The following GALNT17 variants were observed in gnomAD, a reference collection of about 807,000 sequenced individuals.
The protein encoded by GALNT17 is UDP-GalNAc:polypeptide N-acetylgalactosaminyltransferase-like 3.
In GALNT17, 29 loss-of-function variants were observed where a neutral mutation model predicts 63.7. That is an observed-to-expected ratio of 0.46 (90% confidence interval 0.34 to 0.62). The LOEUF is 0.62. Ranked by LOEUF, GALNT17 falls within the 20% of genes least tolerant of loss-of-function variation. The probability of loss-of-function intolerance (pLI) is 0.01; values close to 1 mark genes in which losing one functional copy is unlikely to be tolerated. For synonymous variants in GALNT17, 305 were observed against 318.3 expected (o/e 0.96, Z 0.45); for missense variants, 603 against 799.6 (o/e 0.75, Z 2.97).
intron 6 of GALNT17, among the ~76,000 whole-genome samples, chr7:71,573,702 T>C (rs1345942152): frequency 6.6e-6 from 1 of 152,172 alleles, no homozygotes; most frequent in African/African-American, 2.4e-5. Flanking sequence ...AGGTTTGTTA[T>C]ATAGGTGAAT....
chr7:71,641,926 A>G (rs1016229234), intron 6 of GALNT17, among the ~76,000 whole-genome samples: 15 of 152,056 alleles, frequency 9.9e-5, no homozygotes, highest in Non-Finnish European at 1.9e-4. Flanking sequence ...CTAATGAGGG[A>G]ACTGTGGTTA....
At chr7:71,449,108 CTTTTTTTTT>C (rs59368494) in intron 5 of GALNT17, among the ~76,000 whole-genome samples, 2 of 72,754 alleles carry the variant, frequency 2.7e-5, no homozygotes, top group African/African-American at 5.7e-5. Flanking sequence ...TGCCTATTTT[CTTTTTTTTT>C]TTTTTTTTTT....
At chr7:71,557,793 C>G (rs757093411) in intron 5 of GALNT17, among the ~76,000 whole-genome samples, 1 of 148,404 alleles carries the variant, frequency 6.7e-6, no homozygotes, top group Non-Finnish European at 1.5e-5. Context: ...TCTTAAATAC[C>G]CGGGCGCAGT....
chr7:71,696,362 C>G (rs898696872), intron 9 of GALNT17, among the ~76,000 whole-genome samples: 4 of 152,160 alleles, frequency 2.6e-5, no homozygotes, highest in Non-Finnish European at 5.9e-5. Context: ...ATCCTCCTGC[C>G]TCACCCTCCC....
chr7:71,237,318 A>T (rs28411762), intron 1 of GALNT17, among the ~76,000 whole-genome samples: 23,795 of 151,936 alleles, frequency 0.16, 2,135 homozygotes, highest in African/African-American at 0.23. Context: ...CATTTTCAAG[A>T]TGAGAGAATT....
At chr7:71,370,655 A>G (rs970731012) in intron 2 of GALNT17, among the ~76,000 whole-genome samples, 3 of 151,716 alleles carry the variant, frequency 2.0e-5, no homozygotes, top group Non-Finnish European at 2.9e-5. Context: ...TTTAGTAGAG[A>G]TGGGTTTTCG....
At chr7:71,474,145 G>A (rs888847103) in intron 5 of GALNT17, among the ~76,000 whole-genome samples, 8 of 152,094 alleles carry the variant, frequency 5.3e-5, no homozygotes, top group East Asian at 1.9e-4. Context: ...CATGGCATTC[G>A]TAAACTGTCA....
At chr7:71,236,923 C>T (rs192676873) in intron 1 of GALNT17, among the ~76,000 whole-genome samples, 72 of 152,332 alleles carry the variant, frequency 4.7e-4, no homozygotes, top group Middle Eastern at 3.4e-3. Context: ...CTGTGCTCCA[C>T]GCTCACTGAG....
intron 5 of GALNT17, among the ~76,000 whole-genome samples, chr7:71,466,127 G>A (rs759196300): frequency 1.3e-5 from 2 of 152,128 alleles, no homozygotes; most frequent in Non-Finnish European, 2.9e-5. Flanking sequence ...TGCAGTGGCC[G>A]TTTCAAAATA....
chr7:71,648,168 C>A lies in GALNT17; in HGVS notation c.1081-17243C>A, dbSNP rs79665006. Among the ~76,000 whole-genome samples the A allele has an allele frequency of 7.3e-3, 1,117 of 152,300 alleles. 14 individuals carry two copies. Among genetic ancestry groups the A allele is most frequent in the Middle Eastern group, 0.02 (6 of 294 alleles). ...TCTCTTGGCTAGTAAATAATAACTA[C>A]TTTGGTTTTTCTCAGCATTTACTAT... is the stretch of plus-strand genomic sequence containing the variant. On this transcript the variant is annotated intron_variant, in intron 6 of 10. Coordinates refer to ENST00000333538, the MANE Select transcript of GALNT17 (RefSeq NM_022479.3).
At chr7:71,694,314 A>T (rs1450468831) in intron 9 of GALNT17, among the ~76,000 whole-genome samples, 1 of 151,870 alleles carries the variant, frequency 6.6e-6, no homozygotes, top group Non-Finnish European at 1.5e-5. Context: ...GTCAAACCGT[A>T]TCAATCTCCA....
chr7:71,708,003 A>G (rs1178833431), intron 9 of GALNT17, among the ~76,000 whole-genome samples: 1 of 152,226 alleles, frequency 6.6e-6, no homozygotes, highest in African/African-American at 2.4e-5. Flanking sequence ...AACCTACCAC[A>G]ATCATCCAGC....
At chr7:71,154,616 G>C (rs1289759504) in intron 1 of GALNT17, among the ~76,000 whole-genome samples, 2 of 152,012 alleles carry the variant, frequency 1.3e-5, no homozygotes, top group Non-Finnish European at 2.9e-5. Context: ...TCACTCTGTC[G>C]CCCAGGCTGG....
rs116388343 is a variant in GALNT17 at position 71,582,867 on chromosome 7, T to C, written c.1080+11465T>C. 5.7e-3 allele frequency among the ~76,000 whole-genome samples: 866 copies of C among 152,122 alleles called. 9 individuals carry two copies. Among genetic ancestry groups the C allele is most frequent in the African/African-American group, 0.02 (825 of 41,494 alleles). On this transcript the variant is annotated intron_variant, in intron 6 of 10. Transcript: ENST00000333538. Reference sequence around the variant, plus strand: ...AAAAGACTACAAATAGGGTGCAGGGTATAGTGCTTGGGTGATGGGTGCATC... The same window carrying C: ...AAAAGACTACAAATAGGGTGCAGGGCATAGTGCTTGGGTGATGGGTGCATC...
At chr7:71,318,034 A>G (rs954595952) in intron 1 of GALNT17, among the ~76,000 whole-genome samples, 5 of 151,744 alleles carry the variant, frequency 3.3e-5, no homozygotes, top group African/African-American at 1.2e-4. Flanking sequence ...TGATCCTCCT[A>G]CCTCAGCCTC....
intron 1 of GALNT17, among the ~76,000 whole-genome samples, chr7:71,276,125 C>T (rs192964282): frequency 3.7e-4 from 57 of 152,230 alleles, no homozygotes; most frequent in Middle Eastern, 3.4e-3. Flanking sequence ...TTGTTGGCTG[C>T]GGCCTCTCCG....
intron 2 of GALNT17, among the ~76,000 whole-genome samples, chr7:71,386,180 C>G (rs936369466): frequency 2.0e-4 from 31 of 152,190 alleles, no homozygotes; most frequent in Non-Finnish European, 3.1e-4. Flanking sequence ...TCAATGCATC[C>G]CTGGACGATC....
At chr7:71,198,358 G>A (rs1252380073) in intron 1 of GALNT17, among the ~76,000 whole-genome samples, 3 of 152,094 alleles carry the variant, frequency 2.0e-5, no homozygotes, top group Non-Finnish European at 4.4e-5. Flanking sequence ...TGAGTATTTG[G>A]GCATTGCTGC....
chr7:71,219,139 G>C (rs1254548725), intron 1 of GALNT17, among the ~76,000 whole-genome samples: 1 of 152,028 alleles, frequency 6.6e-6, no homozygotes, highest in African/African-American at 2.4e-5. Flanking sequence ...AACTCTATTA[G>C]GTAAACACTA....
Sources: gnomAD v4.1 joint callset for allele counts (sites outside exome capture counted in the v4.1 genomes callset) on GRCh38, gnomAD v4.1.1 for gene constraint, MANE v1.5 for transcripts, NCBI Gene and HGNC (gene_info 2026-07-23, HGNC 2026-07-21) for gene names.